The following LUZP2 variants were observed in gnomAD, a reference collection of about 807,000 sequenced individuals.
LUZP2 encodes the protein leucine zipper protein 2.
Under a neutral mutation model 51.6 loss-of-function variants are expected in LUZP2, and 52 were observed. The observed-to-expected ratio is 1.01, with a 90% CI of 0.81 to 1.27. The LOEUF is 1.27. LUZP2 is among the 50% of genes most tolerant of loss of function. The pLI is 0.00. For missense variants in LUZP2, 436 were observed against 395.4 expected, an observed-to-expected ratio of 1.10 and a Z score of -0.87; for synonymous variants, 154 against 137.3, an observed-to-expected ratio of 1.12 and a Z score of -0.85.
intron 1 of LUZP2, among the ~76,000 whole-genome samples, chr11:24,719,943 C>A (rs2133948800): frequency 6.6e-6 from 1 of 152,228 alleles, no homozygotes; most frequent in South Asian, 2.1e-4. Context: ...GGCTGATGAA[C>A]AAAAGATCGC....
At chr11:25,026,319 A>G (rs1256371048) in intron 9 of LUZP2, among the ~76,000 whole-genome samples, 1 of 152,152 alleles carries the variant, frequency 6.6e-6, no homozygotes, top group Admixed American at 6.6e-5. Context: ...AAATAAAATA[A>G]GATGAAAAGC....
chr11:25,008,871 G>GA (rs1565222158), intron 9 of LUZP2, among the ~76,000 whole-genome samples: 1 of 152,050 alleles, frequency 6.6e-6, no homozygotes, highest in African/African-American at 2.4e-5. Context: ...GCGGGCCTGG[G>GA]AAAAATACCA....
At chr11:25,009,683 G>A (rs1856931575) in intron 9 of LUZP2, among the ~76,000 whole-genome samples, 1 of 152,106 alleles carries the variant, frequency 6.6e-6, no homozygotes, top group Non-Finnish European at 1.5e-5. Flanking sequence ...TATCTGAAAT[G>A]TCTATGACTA....
chr11:24,694,616 G>A (rs1803661310), intron 1 of LUZP2, among the ~76,000 whole-genome samples: 1 of 151,986 alleles, frequency 6.6e-6, no homozygotes, highest in Non-Finnish European at 1.5e-5. Flanking sequence ...AAAGACACGT[G>A]CACACATATG....
At chr11:24,824,153 C>T (rs566868869) in intron 5 of LUZP2, among the ~76,000 whole-genome samples, 10 of 151,594 alleles carry the variant, frequency 6.6e-5, no homozygotes, top group African/African-American at 2.2e-4. Flanking sequence ...CACCTGAGGT[C>T]GGGAGTTCGA....
At chr11:25,077,618 G>A (rs1236382383) in intron 11 of LUZP2, among the ~76,000 whole-genome samples, 1 of 151,574 alleles carries the variant, frequency 6.6e-6, no homozygotes, top group Non-Finnish European at 1.5e-5. Flanking sequence ...TCCTGCCTCA[G>A]CCTCCCGAGT....
At chr11:24,888,314 G>T (rs1852735979) in intron 5 of LUZP2, among the ~76,000 whole-genome samples, 1 of 152,000 alleles carries the variant, frequency 6.6e-6, no homozygotes, top group African/African-American at 2.4e-5. Flanking sequence ...ATTTATGCAT[G>T]ATTTTGTCAT....
chr11:24,588,593 C>G (rs1769898939), intron 1 of LUZP2, among the ~76,000 whole-genome samples: 1 of 151,344 alleles, frequency 6.6e-6, no homozygotes. Flanking sequence ...TCTCTAAATT[C>G]CAAGCTTAGG....
intron 1 of LUZP2, among the ~76,000 whole-genome samples, chr11:24,724,124 A>G (rs181583861): frequency 3.3e-5 from 5 of 152,324 alleles, no homozygotes; most frequent in African/African-American, 1.2e-4. Flanking sequence ...TTAGTTTGCA[A>G]TACTTCAAGT....
chr11:24,966,702 T>C (rs1855592638), intron 7 of LUZP2, among the ~76,000 whole-genome samples: 1 of 147,954 alleles, frequency 6.8e-6, no homozygotes, highest in Non-Finnish European at 1.5e-5. Context: ...CATATTATAT[T>C]ATATACACAT....
At chr11:24,600,930 T>C (rs1853613586) in intron 1 of LUZP2, among the ~76,000 whole-genome samples, 1 of 152,142 alleles carries the variant, frequency 6.6e-6, no homozygotes, top group Non-Finnish European at 1.5e-5. Context: ...TATGAATATG[T>C]TACCTGAAAA....
In LUZP2 at chr11:24,511,565, A is replaced by G. The variant is rs574958719; in HGVS notation, c.62+14260A>G. On this transcript the variant is annotated intron_variant, in intron 1 of 11. Transcript: ENST00000336930. ...CACTAAAATAGGAGTATTCATAAGT[A>G]ATAATCTTTATGTGACTAGATATTT... Among the ~76,000 whole-genome samples, 42 of 152,234 alleles carry G rather than the reference A, an allele frequency of 2.8e-4. No homozygotes were observed. The South Asian group carries it at 8.5e-3, about 31-fold the overall frequency.
At chr11:24,796,830 A>G (rs568641939) in intron 5 of LUZP2, among the ~76,000 whole-genome samples, 1 of 152,294 alleles carries the variant, frequency 6.6e-6, no homozygotes, top group African/African-American at 2.4e-5. Flanking sequence ...TTAATGGATT[A>G]TACAGACACA....
chr11:24,560,890 T>TCC, intron 1 of LUZP2, among the ~76,000 whole-genome samples: 1 of 152,220 alleles, frequency 6.6e-6, no homozygotes, highest in East Asian at 1.9e-4. Context: ...AGGAATGGAG[T>TCC]CCAGGATGCC....
intron 7 of LUZP2, among the ~76,000 whole-genome samples, chr11:24,934,391 G>A (rs943661539): frequency 3.3e-5 from 5 of 151,980 alleles, no homozygotes; most frequent in African/African-American, 1.2e-4. Flanking sequence ...GGCTATCTTT[G>A]GGCATAAAAC....
Position 24,894,171 on chromosome 11 carries a change from A to AATCC in LUZP2, c.397-11820_397-11819insATCC, listed in dbSNP as rs1852952531. On this transcript the variant is annotated intron_variant, in intron 5 of 11. Transcript: ENST00000336930. ...TTTTTAACGAATCTTTTCTAAAGTA[A>AATCC]TTCATTTTTTTTTTTTTTTTGTGAT... Among the ~76,000 whole-genome samples the AATCC allele has an allele frequency of 2.2e-5, 3 of 135,282 alleles. No individual in the cohort carries two copies. In the Admixed American group the frequency reaches 2.4e-4, roughly 11 times the overall value. 88.8% of individuals were successfully genotyped at this position (135,282 alleles called of 152,430 possible).
At chr11:24,699,670 C>CAGACAT (rs1857362823) in intron 1 of LUZP2, among the ~76,000 whole-genome samples, 1 of 135,230 alleles carries the variant, frequency 7.4e-6, no homozygotes, top group African/African-American at 2.9e-5. Context: ...TATATATACA[C>CAGACAT]ACACACATAT....
At chr11:25,030,947 T>TTA (rs1554957939) in intron 9 of LUZP2, among the ~76,000 whole-genome samples, 1 of 2,642 alleles carries the variant, frequency 3.8e-4, no homozygotes, top group Admixed American at 0.011. Flanking sequence ...ATTATATATA[T>TTA]TATATATATA....
At chr11:24,705,961 C>CTTCT (rs1217159832) in intron 1 of LUZP2, among the ~76,000 whole-genome samples, 2 of 149,788 alleles carry the variant, frequency 1.3e-5, no homozygotes, top group Non-Finnish European at 3.0e-5. Flanking sequence ...GTGTCTGAAG[C>CTTCT]TTCTCCCTGC....
Sources: allele counts gnomAD v4.1 joint callset (sites outside exome capture counted in the v4.1 genomes callset), GRCh38; gene constraint gnomAD v4.1.1; transcripts MANE v1.5; gene names NCBI Gene and HGNC (gene_info 2026-07-23, HGNC 2026-07-21).